PSMD1: variants seen among roughly 807,000 people sequenced by gnomAD.
The protein encoded by PSMD1 is proteasome 26S subunit, non-ATPase 1.
Under a neutral mutation model 119.0 loss-of-function variants are expected in PSMD1, and 18 were observed. The ratio of observed to expected loss-of-function variants is 0.15; its 90% confidence interval spans 0.10 to 0.22. The LOEUF (loss-of-function observed/expected upper bound fraction) is 0.22, where lower values mean the gene tolerates loss of function less well. PSMD1 is among the 10% of genes least tolerant of loss of function. The pLI, the probability that PSMD1 is intolerant of heterozygous loss-of-function variation, is 1.00. For missense variants in PSMD1, 702 were observed against 1,158.5 expected (o/e 0.61, Z 5.72); for synonymous variants, 374 against 396.6 (o/e 0.94, Z 0.68).
At chr2:231,165,636 T>C (rs2125271274) in intron 22 of PSMD1, among the ~76,000 whole-genome samples, 1 of 152,294 alleles carries the variant, frequency 6.6e-6, no homozygotes, top group Admixed American at 6.5e-5. Flanking sequence ...CTTTTTCTGA[T>C]CTCTGCTGGT....
chr2:231,122,212 A>C (rs2125230582), intron 16 of PSMD1, among the ~76,000 whole-genome samples: 1 of 152,194 alleles, frequency 6.6e-6, no homozygotes, highest in East Asian at 1.9e-4. Context: ...CCTGCCACAT[A>C]ATTTTCTTGA....
intron 18 of PSMD1, 71 bp from the exon 19 acceptor site, chr2:231,153,493 T>C: frequency 9.4e-7 from 1 of 1,063,842 alleles, no homozygotes; most frequent in Non-Finnish European, 1.5e-6. Context: ...TGGAGCAATA[T>C]TATTCCCTGT....
intron 8 of PSMD1, 131 bp downstream of exon 8, chr2:231,075,702 C>T (rs1694145989): frequency 1.4e-6 from 1 of 731,516 alleles, no homozygotes; most frequent in East Asian, 3.0e-5. Flanking sequence ...ACCTTAGCCT[C>T]CCAAGTAAAT....
At chr2:231,157,866 C>T (rs1048914165) in intron 19 of PSMD1, among the ~76,000 whole-genome samples, 3 of 152,092 alleles carry the variant, frequency 2.0e-5, no homozygotes, top group South Asian at 4.2e-4. Context: ...CACACCTGGC[C>T]CTACATAAAA....
At chr2:231,072,884 T>C (rs1350371144) in intron 7 of PSMD1, among the ~76,000 whole-genome samples, 2 of 152,202 alleles carry the variant, frequency 1.3e-5, no homozygotes, top group Non-Finnish European at 2.9e-5. Flanking sequence ...TATTTTTCTG[T>C]ATTTTACACG....
chr2:231,162,868 C>T (rs1285524061), intron 20 of PSMD1, among the ~76,000 whole-genome samples: 6 of 149,748 alleles, frequency 4.0e-5, no homozygotes, highest in Admixed American at 6.7e-5. Flanking sequence ...GAAGCCGAGG[C>T]GGGTGGATCA....
chr2:231,072,098 A>T (rs1574707753), intron 6 of PSMD1, 91 bp from the exon 7 acceptor site: 2 of 1,069,382 alleles, frequency 1.9e-6, no homozygotes, highest in Non-Finnish European at 2.8e-6. Flanking sequence ...CTTATATTTT[A>T]AGGTTTTCTA....
At chr2:231,155,727 T>C (rs1026958647) in intron 19 of PSMD1, among the ~76,000 whole-genome samples, 6 of 151,926 alleles carry the variant, frequency 3.9e-5, no homozygotes, top group Non-Finnish European at 7.4e-5. Flanking sequence ...GAGTTTTTTG[T>C]TTGGTTGGTT....
At chr2:231,171,072 G>A (rs1401776968) in intron 24 of PSMD1, among the ~76,000 whole-genome samples, 1 of 152,194 alleles carries the variant, frequency 6.6e-6, no homozygotes, top group East Asian at 1.9e-4. Flanking sequence ...TTTGCTTAGT[G>A]ATAGAGCTGA....
chr2:231,092,327 T>C (rs1694616321), intron 16 of PSMD1, among the ~76,000 whole-genome samples: 3 of 152,160 alleles, frequency 2.0e-5, no homozygotes, highest in Admixed American at 1.3e-4. Context: ...GTCCCTGCAC[T>C]CGGGTCACAA....
At chr2:231,138,918 T>A (rs775739060) in intron 17 of PSMD1, 68 bp downstream of exon 17, 161 of 1,142,928 alleles carry the variant, frequency 1.4e-4, no homozygotes, top group Non-Finnish European at 6.4e-5. Context: ...CCGCAGAATT[T>A]ATGTAACAGC....
chr2:231,101,580 T>A (rs1247005927), intron 16 of PSMD1, among the ~76,000 whole-genome samples: 2 of 152,134 alleles, frequency 1.3e-5, no homozygotes, highest in Non-Finnish European at 2.9e-5. Flanking sequence ...CTGTTGTGGG[T>A]AGAATAGCAT....
chr2:231,140,514 AAG>A (rs1696082169), intron 17 of PSMD1, among the ~76,000 whole-genome samples: 2 of 151,318 alleles, frequency 1.3e-5, no homozygotes, highest in Middle Eastern at 3.4e-3. Flanking sequence ...AAAAAAAAAA[AAG>A]AGTGTTGGTA....
intron 23 of PSMD1, among the ~76,000 whole-genome samples, chr2:231,167,567 T>TAC (rs71396666): frequency 0.049 from 7,373 of 151,488 alleles, 267 homozygotes; most frequent in Middle Eastern, 0.082. Context: ...GGTATAGCCC[T>TAC]ACACACACAC....
intron 5 of PSMD1, among the ~76,000 whole-genome samples, chr2:231,067,755 C>G (rs368382269): frequency 1.3e-5 from 2 of 152,216 alleles, no homozygotes; most frequent in East Asian, 3.9e-4. Context: ...CTCCGGGGTT[C>G]AAGCAATCCT....
At position 231,084,963 on chromosome 2, in the gene PSMD1, G is replaced by A. The variant is rs1360787530; in HGVS notation, c.1723-56G>A. 4.2e-6 allele frequency: 6 copies of A among 1,424,316 alleles called. No individual in the cohort carries two copies. In the African/African-American group the frequency reaches 7.1e-5, roughly 17 times the overall value. 88.2% of individuals were successfully genotyped at this position (1,424,316 alleles called of 1,614,324 possible). A position where few individuals can be genotyped will look rare whatever the true frequency, so the allele number is the denominator to read the frequency against. ...TGGATGCCACTATGCCTATTAGACTGTAGAAGTTAACTGTTTGAAATAAGT... is the reference window on the plus strand; with the variant it reads ...TGGATGCCACTATGCCTATTAGACTATAGAAGTTAACTGTTTGAAATAAGT... On this transcript the variant is annotated intron_variant, in intron 14 of 24. Coordinates refer to ENST00000308696, the MANE Select transcript of PSMD1 (RefSeq NM_002807.4).
At chr2:231,095,902 A>G (rs943930506) in intron 16 of PSMD1, among the ~76,000 whole-genome samples, 2 of 152,184 alleles carry the variant, frequency 1.3e-5, no homozygotes, top group African/African-American at 2.4e-5. Flanking sequence ...TGACAATTCT[A>G]TATGGCCAGC....
Position 231,072,206 on chromosome 2 carries a change from T to G in PSMD1, c.672T>G (p.Asp224Glu). The G allele has an allele frequency of 6.2e-7, 1 of 1,612,510 alleles. No homozygotes were observed. Among genetic ancestry groups the G allele is most frequent in the Non-Finnish European group, 8.5e-7 (1 of 1,178,580 alleles). ...CATTTCAGTGCTTAATTTTCTTAGA[T>G]GATCCTCAGGCTGTGAGTGATATCT... is the stretch of plus-strand genomic sequence containing the variant. ...INVCQCLIFL[D>E]DPQAVSDILE... Residue 224 changes from aspartate (D) to glutamate (E), a missense_variant, in exon 7 of 25, where the codon GAT becomes GAG. Physicochemically the swap from Asp to Glu is conservative, Grantham distance 45 (BLOSUM62 2). Around this residue, in one of 9 missense-constraint regions of PSMD1, gnomAD observed 32 missense variants for 77.1 expected, o/e 0.42. Transcript: ENST00000308696.
intron 19 of PSMD1, among the ~76,000 whole-genome samples, chr2:231,157,468 G>A (rs1432066206): frequency 4.1e-5 from 6 of 145,062 alleles, no homozygotes; most frequent in Non-Finnish European, 9.1e-5. Context: ...TTTGTTTGGG[G>A]CTTTTTTACT....
Sources: allele counts gnomAD v4.1 joint callset (sites outside exome capture counted in the v4.1 genomes callset), GRCh38; gene constraint gnomAD v4.1.1; regional missense constraint gnomAD v4.1.1; transcripts MANE v1.5; gene names NCBI Gene and HGNC (gene_info 2026-07-23, HGNC 2026-07-21).